PCNP: variants seen among roughly 807,000 people sequenced by gnomAD.
PCNP encodes PEST proteolytic signal containing nuclear protein.
Under a neutral mutation model 21.8 loss-of-function variants are expected in PCNP, and 6 were observed. The ratio of observed to expected loss-of-function variants is 0.28; its 90% confidence interval spans 0.15 to 0.54. PCNP has a LOEUF of 0.54. Ranked by LOEUF, PCNP falls within the 20% of genes least tolerant of loss-of-function variation. PCNP has a pLI of 0.95. For synonymous variants in PCNP, 67 were observed against 73.2 expected (o/e 0.92, Z 0.43); for missense variants, 161 against 215.5 (o/e 0.75, Z 1.58).
At chr3:101,575,122 G>T (rs1190051456) in intron 1 of PCNP, among the ~76,000 whole-genome samples, 1 of 152,198 alleles carries the variant, frequency 6.6e-6, no homozygotes, top group African/African-American at 2.4e-5. Flanking sequence ...TGAAGGAAAA[G>T]AAACGTAATC....
intron 3 of PCNP, among the ~76,000 whole-genome samples, chr3:101,586,571 T>TGTGTGTGTGTGTGTGAGA: frequency 3.7e-4 from 42 of 114,198 alleles, no homozygotes; most frequent in African/African-American, 1.2e-3. Context: ...TGTGTGTGTG[T>TGTGTGTGTGTGTGTGAGA]GAGAGAGAGA....
intron 2 of PCNP, among the ~76,000 whole-genome samples, chr3:101,583,477 A>C (rs939704712): frequency 1.3e-5 from 2 of 152,104 alleles, no homozygotes; most frequent in Admixed American, 6.6e-5. Flanking sequence ...TGAGCCGGGC[A>C]TGGCAGGGTG....
intron 2 of PCNP, among the ~76,000 whole-genome samples, chr3:101,583,817 ATTTTTTTTTT>A (rs564200727): frequency 9.6e-6 from 1 of 104,052 alleles, no homozygotes; most frequent in Non-Finnish European, 1.9e-5. Context: ...TATCCAGCTA[ATTTTTTTTTT>A]TTTTTTTTTT....
intron 3 of PCNP, among the ~76,000 whole-genome samples, chr3:101,587,066 C>G (rs1398889729): frequency 1.3e-5 from 2 of 151,986 alleles, no homozygotes; most frequent in African/African-American, 4.8e-5. Flanking sequence ...CCAGCCTCAA[C>G]ATGGAGAAAC....
intron 3 of PCNP, among the ~76,000 whole-genome samples, chr3:101,589,116 A>G (rs987750335): frequency 6.6e-6 from 1 of 152,146 alleles, no homozygotes; most frequent in Non-Finnish European, 1.5e-5. Flanking sequence ...TCCTTTCTGC[A>G]TCTATTAACT....
At chr3:101,591,130 A>C (rs896650466) in intron 4 of PCNP, among the ~76,000 whole-genome samples, 1 of 152,122 alleles carries the variant, frequency 6.6e-6, no homozygotes, top group Non-Finnish European at 1.5e-5. Flanking sequence ...TTTTTTCTTT[A>C]ATGACTTAGA....
At chr3:101,576,218 A>AG (rs2108270025) in intron 1 of PCNP, among the ~76,000 whole-genome samples, 1 of 139,794 alleles carries the variant, frequency 7.2e-6, no homozygotes, top group South Asian at 2.4e-4. Context: ...TGGAAGTATA[A>AG]GTTTTTTTTT....
At chr3:101,576,244 CTTT>C (rs35289041) in intron 1 of PCNP, among the ~76,000 whole-genome samples, 6 of 136,242 alleles carry the variant, frequency 4.4e-5, no homozygotes, top group Admixed American at 1.5e-4. Context: ...GAATGGTTTC[CTTT>C]TTTTTTTTTT....
rs1171382897 is a variant in PCNP at position 101,593,630 on chromosome 3, C to G, written c.*877C>G. 6.8e-6 allele frequency: 1 copy of G among 147,422 alleles called. No homozygotes were observed. Among genetic ancestry groups the G allele is most frequent in the Admixed American group, 6.8e-5 (1 of 14,694 alleles). 9.1% of individuals were successfully genotyped at this position (147,422 alleles called of 1,614,324 possible). On this transcript the variant is annotated 3_prime_UTR_variant, in exon 5 of 5. Coordinates refer to ENST00000265260, the MANE Select transcript of PCNP (RefSeq NM_020357.3). ...TTTATTTTTTAAAAGGTATAAACAC[C>G]AAAAAAAAAATTAACATTGTATGAA... is the stretch of plus-strand genomic sequence containing the variant.
chr3:101,579,495 G>T (rs1935113297), intron 1 of PCNP: 3 of 534,330 alleles, frequency 5.6e-6, no homozygotes, highest in South Asian at 4.7e-5. Context: ...CAAATAACCA[G>T]ATTATTGTAC....
At chr3:101,577,580 A>C (rs1476884480) in intron 1 of PCNP, among the ~76,000 whole-genome samples, 1 of 152,226 alleles carries the variant, frequency 6.6e-6, no homozygotes, top group Non-Finnish European at 1.5e-5. Flanking sequence ...GCTGGAATGT[A>C]GTGGCATGAT....
rs1238993965 is a variant in PCNP, at chr3:101,579,902, C to T, written c.177C>T (p.Ala59=). The T allele has an allele frequency of 1.2e-5, 20 of 1,613,698 alleles. No individual in the cohort carries two copies. The East Asian group carries it at 2.0e-4, about 16-fold the overall frequency. ...AGCGATCAGCTGAAGAAGAAGCTGC[C>T]GACCTCCCAACAAAGCCTACAAAGA... ...AEKRSAEEEA[A]DLPTKPTKIS... Residue 59 remains alanine (A), a synonymous_variant, in exon 2 of 5, where the codon GCC becomes GCT. Coordinates refer to ENST00000265260, the MANE Select transcript of PCNP (RefSeq NM_020357.3).
chr3:101,574,396 A>G, intron 1 of PCNP, 117 bp downstream of exon 1: 1 of 1,303,828 alleles, frequency 7.7e-7, no homozygotes, highest in South Asian at 1.5e-5. Context: ...TCACCCGGCC[A>G]GGTGTTGGGC....
intron 1 of PCNP, chr3:101,576,732 C>A (rs1329982713): frequency 6.2e-7 from 1 of 1,611,888 alleles, no homozygotes; most frequent in Non-Finnish European, 8.5e-7. Flanking sequence ...GGCGTGGATT[C>A]TGCATAACGG....
intron 1 of PCNP, among the ~76,000 whole-genome samples, chr3:101,578,665 T>C (rs142037263): frequency 6.6e-6 from 1 of 152,222 alleles, no homozygotes; most frequent in African/African-American, 2.4e-5. Context: ...ACCCCATTAT[T>C]CCAAAACTGT....
Position 101,576,708 on chromosome 3 carries a change from T to G in PCNP, c.64+2429T>G, listed in dbSNP as rs185480935. 581 of 1,611,984 alleles carry G rather than the reference T, an allele frequency of 3.6e-4. 1 individual carries two copies. In the African/African-American group the frequency reaches 7.1e-3, roughly 20 times the overall value. ...CCTTCTGTCTGTTCAAGAACCAGTCTGGGATCTTGTACTGGCGTGGATTCT... is the reference window on the plus strand; with the variant it reads ...CCTTCTGTCTGTTCAAGAACCAGTCGGGGATCTTGTACTGGCGTGGATTCT... On this transcript the variant is annotated intron_variant, in intron 1 of 4. Transcript: ENST00000265260.
chr3:101,588,404 C>T (rs1027400703), intron 3 of PCNP, among the ~76,000 whole-genome samples: 3 of 152,116 alleles, frequency 2.0e-5, no homozygotes, highest in African/African-American at 7.2e-5. Flanking sequence ...AAGTAAATTT[C>T]GGATGCATTT....
chr3:101,592,346 G>A (rs910315487), intron 4 of PCNP, among the ~76,000 whole-genome samples: 5 of 151,776 alleles, frequency 3.3e-5, no homozygotes, highest in African/African-American at 1.2e-4. Flanking sequence ...GCTAATTTTC[G>A]TATTTTTAGT....
At chr3:101,588,244 C>T (rs1453706690) in intron 3 of PCNP, among the ~76,000 whole-genome samples, 1 of 152,076 alleles carries the variant, frequency 6.6e-6, no homozygotes, top group African/African-American at 2.4e-5. Context: ...GCACTCCAGC[C>T]TGGGCAACAG....
Sources: gnomAD v4.1 joint callset for allele counts (sites outside exome capture counted in the v4.1 genomes callset) on GRCh38, gnomAD v4.1.1 for gene constraint, MANE v1.5 for transcripts, NCBI Gene and HGNC (gene_info 2026-07-23, HGNC 2026-07-21) for gene names.